ANKH: variants seen among roughly 807,000 people sequenced by gnomAD.
ANKH encodes the protein ANKH inorganic pyrophosphate transport regulator, also known as mineralization regulator ANKH.
Under a neutral mutation model 49.0 loss-of-function variants are expected in ANKH, and 15 were observed. The ratio of observed to expected loss-of-function variants is 0.31; its 90% CI spans 0.20 to 0.47. The LOEUF (loss-of-function observed/expected upper bound fraction) is 0.47. Among genes scored for constraint, ANKH ranks in the 20% least tolerant of loss-of-function variants. The pLI is 1.00. For missense variants in ANKH, 429 were observed against 652.0 expected (o/e 0.66, Z 3.72); for synonymous variants, 273 against 260.0 (o/e 1.05, Z -0.48).
intron 4 of ANKH, 116 bp from the exon 5 acceptor site, chr5:14,751,355 T>C: frequency 1.8e-6 from 2 of 1,129,952 alleles, no homozygotes; most frequent in Non-Finnish European, 2.6e-6. Context: ...TCTTGACTTT[T>C]ATGCAAACAG....
chr5:14,735,090 C>G (rs1243077562), intron 8 of ANKH, among the ~76,000 whole-genome samples: 1 of 152,150 alleles, frequency 6.6e-6, no homozygotes. Flanking sequence ...TAACTTAAAT[C>G]TAGTCCTGGT....
chr5:14,809,335 T>TAAAAAAAAAAAAAAAAAA (rs36119317), intron 1 of ANKH, among the ~76,000 whole-genome samples: 13 of 80,830 alleles, frequency 1.6e-4, no homozygotes, highest in African/African-American at 2.4e-4. Flanking sequence ...TAGAGTATAA[T>TAAAAAAAAAAAAAAAAAA]AAAAAAAAAA....
At chr5:14,858,424 T>G (rs1361542076) in intron 1 of ANKH, among the ~76,000 whole-genome samples, 1 of 152,200 alleles carries the variant, frequency 6.6e-6, no homozygotes, top group Non-Finnish European at 1.5e-5. Flanking sequence ...TGTTTTAAAA[T>G]ATACGCATAG....
At chr5:14,813,141 T>G (rs1740936302) in intron 1 of ANKH, among the ~76,000 whole-genome samples, 1 of 151,868 alleles carries the variant, frequency 6.6e-6, no homozygotes, top group South Asian at 2.1e-4. Flanking sequence ...CTCAGGAGGC[T>G]AAAGCAGGAG....
intron 1 of ANKH, among the ~76,000 whole-genome samples, chr5:14,845,348 G>A (rs13179946): frequency 1.4e-3 from 127 of 92,250 alleles, no homozygotes; most frequent in East Asian, 0.011. Flanking sequence ...AGTTTCATGT[G>A]TATATATATA....
chr5:14,856,806 A>G (rs1580120583), intron 1 of ANKH, among the ~76,000 whole-genome samples: 1 of 152,164 alleles, frequency 6.6e-6, no homozygotes, highest in East Asian at 1.9e-4. Context: ...AGCATGAGCC[A>G]CGAGTCAGAC....
At chr5:14,841,365 C>T (rs1435038818) in intron 1 of ANKH, among the ~76,000 whole-genome samples, 3 of 151,594 alleles carry the variant, frequency 2.0e-5, no homozygotes, top group Admixed American at 6.6e-5. Context: ...GGTGCGACCT[C>T]GGCTCACTGC....
intron 8 of ANKH, among the ~76,000 whole-genome samples, chr5:14,739,742 C>T (rs888573874): frequency 2.6e-5 from 4 of 152,208 alleles, no homozygotes; most frequent in Admixed American, 2.6e-4. Context: ...TTACTGGATA[C>T]TTGGACAAGT....
chr5:14,843,173 CTCT>C (rs1347272672), intron 1 of ANKH, among the ~76,000 whole-genome samples: 1 of 140,576 alleles, frequency 7.1e-6, no homozygotes, highest in Non-Finnish European at 1.5e-5. Flanking sequence ...CACCAGGGTT[CTCT>C]TTTTTTTTTT....
chr5:14,715,006 A>G (rs1737391110), intron 9 of ANKH, among the ~76,000 whole-genome samples: 1 of 152,252 alleles, frequency 6.6e-6, no homozygotes, highest in Non-Finnish European at 1.5e-5. Flanking sequence ...TACAGATGCC[A>G]TCCCGGTGCT....
chr5:14,828,616 C>T (rs1741417432), intron 1 of ANKH, among the ~76,000 whole-genome samples: 1 of 152,054 alleles, frequency 6.6e-6, no homozygotes, highest in Non-Finnish European at 1.5e-5. Context: ...TAATGCAGTT[C>T]TTTACGCCTA....
chr5:14,816,073 A>G (rs1463974647), intron 1 of ANKH, among the ~76,000 whole-genome samples: 2 of 152,236 alleles, frequency 1.3e-5, no homozygotes, highest in Non-Finnish European at 2.9e-5. Context: ...AAGCTGAAAA[A>G]TAAGTATTCC....
intron 8 of ANKH, among the ~76,000 whole-genome samples, chr5:14,727,743 A>C (rs768942735): frequency 1.3e-4 from 20 of 151,976 alleles, no homozygotes; most frequent in Non-Finnish European, 2.8e-4. Context: ...GTGACTGTTT[A>C]GTGGGTATAG....
Position 14,713,445 on chromosome 5 carries a change from G to T in ANKH, c.1265+99C>A. 1 of 1,504,024 alleles carries T rather than the reference G, an allele frequency of 6.6e-7. No homozygotes were observed. The highest frequency in any genetic ancestry group is 9.1e-7 in the Non-Finnish European group (1 of 1,097,528). 93.2% of individuals were successfully genotyped at this position (1,504,024 alleles called of 1,614,324 possible). A position where few individuals can be genotyped will look rare whatever the true frequency, so the allele number is the denominator to read the frequency against. ...TCATTCTGAATTTCCGATTCTAGAC[G>T]TGCCTGGGGATTTCCCCTGAAAATG... On this transcript the variant is annotated intron_variant, in intron 10 of 11. Transcript: ENST00000284268. This position sits in a 1 kb window ranked among gnomAD's most constrained non-coding sequence, Gnocchi z 4.4.
At chr5:14,732,689 C>G (rs953007516) in intron 8 of ANKH, among the ~76,000 whole-genome samples, 2 of 152,088 alleles carry the variant, frequency 1.3e-5, no homozygotes, top group African/African-American at 4.8e-5. Context: ...CTTTTAAAGT[C>G]TTAAAAGGTG....
intron 1 of ANKH, among the ~76,000 whole-genome samples, chr5:14,818,298 C>A (rs758208398): frequency 3.3e-5 from 5 of 151,988 alleles, no homozygotes; most frequent in African/African-American, 4.8e-5. Flanking sequence ...ACCCTCCCTT[C>A]TCCTCCTCTC....
At chr5:14,864,373 G>A (rs763567791) in intron 1 of ANKH, among the ~76,000 whole-genome samples, 6 of 152,212 alleles carry the variant, frequency 3.9e-5, no homozygotes, top group East Asian at 1.9e-4. Context: ...ATGAGTAAAC[G>A]AGTAAACAAA....
chr5:14,851,099 A>T (rs1742110568), intron 1 of ANKH, among the ~76,000 whole-genome samples: 2 of 152,138 alleles, frequency 1.3e-5, no homozygotes, highest in Non-Finnish European at 2.9e-5. Context: ...CTGTGCTACG[A>T]CCCACACAAT....
intron 5 of ANKH, 56 bp from the exon 6 acceptor site, chr5:14,749,362 A>T (rs544287806): frequency 2.1e-5 from 33 of 1,589,564 alleles, no homozygotes; most frequent in Non-Finnish European, 2.7e-5. Flanking sequence ...GAATGGAAAA[A>T]ACGATTCAGA....
Sources: allele counts gnomAD v4.1 joint callset (sites outside exome capture counted in the v4.1 genomes callset), GRCh38; gene constraint gnomAD v4.1.1; non-coding constraint Gnocchi (gnomAD v3.1); transcripts MANE v1.5; gene names NCBI Gene and HGNC (gene_info 2026-07-23, HGNC 2026-07-21).